The following CCDC178 variants were observed in gnomAD, a reference collection of about 807,000 sequenced individuals.
The protein encoded by CCDC178 is coiled-coil domain containing 178.
Under a neutral mutation model 117.4 loss-of-function variants are expected in CCDC178, and 126 were observed. The observed-to-expected ratio is 1.07, with a 90% CI of 0.93 to 1.24. The LOEUF (loss-of-function observed/expected upper bound fraction) is 1.24. CCDC178 is among the 50% of genes most tolerant of loss of function. The pLI is 0.00. For missense variants in CCDC178, 1,030 were observed against 986.9 expected (o/e 1.04, Z -0.59); for synonymous variants, 283 against 313.4 (o/e 0.90, Z 1.02).
intron 18 of CCDC178, among the ~76,000 whole-genome samples, chr18:33,220,046 A>T (rs369717903): frequency 1.3e-5 from 2 of 152,216 alleles, no homozygotes; most frequent in East Asian, 3.9e-4. Context: ...AAAAAGCCCT[A>T]AAGTCTCCAG....
chr18:33,004,062 A>G (rs2055699845), intron 21 of CCDC178, among the ~76,000 whole-genome samples: 1 of 152,114 alleles, frequency 6.6e-6, no homozygotes, highest in African/African-American at 2.4e-5. Context: ...ATGTTCATGG[A>G]TTGGAAGAAT....
intron 21 of CCDC178, among the ~76,000 whole-genome samples, chr18:33,033,250 T>G (rs1948422223): frequency 6.6e-6 from 1 of 152,112 alleles, no homozygotes; most frequent in African/African-American, 2.4e-5. Flanking sequence ...GAGTCTTAAA[T>G]TTTGGTTTTT....
At chr18:33,013,505 T>C (rs569865356) in intron 21 of CCDC178, among the ~76,000 whole-genome samples, 2 of 152,346 alleles carry the variant, frequency 1.3e-5, no homozygotes, top group South Asian at 4.1e-4. Context: ...TTCCATTTTA[T>C]ACTAAGAAGG....
chr18:33,160,348 T>C (rs1265784009), intron 20 of CCDC178, among the ~76,000 whole-genome samples: 2 of 152,194 alleles, frequency 1.3e-5, no homozygotes, highest in African/African-American at 4.8e-5. Flanking sequence ...TTACTTGACA[T>C]ATATGTCTTT....
intron 21 of CCDC178, among the ~76,000 whole-genome samples, chr18:33,040,352 T>C (rs2144890324): frequency 6.6e-6 from 1 of 152,088 alleles, no homozygotes; most frequent in African/African-American, 2.4e-5. Flanking sequence ...AAGAAAGTGA[T>C]AGCTGAAGAA....
At chr18:33,011,632 A>C (rs2055867373) in intron 21 of CCDC178, among the ~76,000 whole-genome samples, 1 of 151,848 alleles carries the variant, frequency 6.6e-6, no homozygotes, top group Non-Finnish European at 1.5e-5. Context: ...TAAGCGACTA[A>C]AGTTGCTGGC....
intron 10 of CCDC178, chr18:33,328,106 T>TGG (rs2062612255): frequency 4.1e-6 from 1 of 246,756 alleles, no homozygotes; most frequent in Non-Finnish European, 7.2e-6. Flanking sequence ...TTTTTTTTTT[T>TGG]TTTTTTTTTT....
chr18:33,364,330 A>G (rs2063170963), intron 6 of CCDC178, among the ~76,000 whole-genome samples: 1 of 152,108 alleles, frequency 6.6e-6, no homozygotes, highest in Non-Finnish European at 1.5e-5. Flanking sequence ...AAATATTTTC[A>G]TTAGAATGGG....
chr18:33,095,266 T>C (rs1392153633), intron 20 of CCDC178, among the ~76,000 whole-genome samples: 1 of 151,994 alleles, frequency 6.6e-6, no homozygotes, highest in Non-Finnish European at 1.5e-5. Flanking sequence ...CTTATTAAGA[T>C]GGTAAAACAT....
intron 5 of CCDC178, among the ~76,000 whole-genome samples, chr18:33,375,118 C>T (rs1315252069): frequency 6.6e-6 from 1 of 152,116 alleles, no homozygotes; most frequent in Non-Finnish European, 1.5e-5. Flanking sequence ...ATTGTACCTC[C>T]ATATATCTGT....
chr18:33,245,411 T>G lies in CCDC178; in HGVS notation c.1427A>C (p.Lys476Thr). Residue 476 changes from lysine (K) to threonine (T), a missense_variant, in exon 15 of 23, where the codon AAA becomes ACA. By Grantham distance (78) the Lys-to-Thr change is moderately conservative. Coordinates refer to ENST00000383096, the MANE Select transcript of CCDC178 (RefSeq NM_001105528.4). The stretch of plus-strand genomic sequence containing the variant: ...CAAATATTTTATTTCAGATTCGTAT[T>G]TTGATTTTTTCCGTATGCTGTAAAA... ...KTNESIRKKS[K>T]YESEIKYLTI... 1 of 1,563,702 alleles carries G rather than the reference T, an allele frequency of 6.4e-7. No homozygotes were observed. Among genetic ancestry groups the G allele is most frequent in the Non-Finnish European group, 8.7e-7 (1 of 1,155,876 alleles).
chr18:33,332,244 A>T (rs1489061246), intron 10 of CCDC178, among the ~76,000 whole-genome samples: 1 of 152,194 alleles, frequency 6.6e-6, no homozygotes. Context: ...CATGAAATTC[A>T]TTATAAAGAT....
At chr18:32,966,285 C>T (rs1455662726) in intron 22 of CCDC178, among the ~76,000 whole-genome samples, 1 of 151,602 alleles carries the variant, frequency 6.6e-6, no homozygotes, top group Non-Finnish European at 1.5e-5. Context: ...ATTCTTTGTT[C>T]CAGTGAGCAG....
At chr18:33,265,298 G>A (rs1303665472) in intron 14 of CCDC178, among the ~76,000 whole-genome samples, 1 of 152,020 alleles carries the variant, frequency 6.6e-6, no homozygotes, top group East Asian at 1.9e-4. Flanking sequence ...AATAGCAAAG[G>A]AAAAGTAGTC....
At chr18:33,004,129 CT>C (rs2055701230) in intron 21 of CCDC178, among the ~76,000 whole-genome samples, 1 of 152,044 alleles carries the variant, frequency 6.6e-6, no homozygotes, top group South Asian at 2.1e-4. Flanking sequence ...TATGAAATCC[CT>C]ATCAACATAC....
At chr18:33,206,062 A>G in intron 20 of CCDC178, among the ~76,000 whole-genome samples, 1 of 152,106 alleles carries the variant, frequency 6.6e-6, no homozygotes, top group Non-Finnish European at 1.5e-5. Context: ...TCCACTTTCA[A>G]CCTGGGGAGA....
intron 11 of CCDC178, among the ~76,000 whole-genome samples, chr18:33,309,917 T>G (rs1292348155): frequency 6.6e-6 from 1 of 150,828 alleles, no homozygotes; most frequent in Non-Finnish European, 1.5e-5. Context: ...AAATGATTGT[T>G]TTTTTTTTCT....
At chr18:33,230,272 G>GTA (rs2059354371) in intron 15 of CCDC178, among the ~76,000 whole-genome samples, 1 of 150,916 alleles carries the variant, frequency 6.6e-6, no homozygotes, top group South Asian at 2.1e-4. Context: ...GTGTGTGTGT[G>GTA]TAAGTTAATT....
chr18:33,294,764 T>C (rs192330735), intron 11 of CCDC178, among the ~76,000 whole-genome samples: 53 of 152,322 alleles, frequency 3.5e-4, no homozygotes, highest in Admixed American at 1.4e-3. Flanking sequence ...TTAGTTCTTC[T>C]TCTCTCAGTG....
Sources: allele counts gnomAD v4.1 joint callset (sites outside exome capture counted in the v4.1 genomes callset), GRCh38; gene constraint gnomAD v4.1.1; transcripts MANE v1.5; gene names NCBI Gene and HGNC (gene_info 2026-07-23, HGNC 2026-07-21).